The following LSM3 variants were observed in gnomAD, a reference collection of about 807,000 sequenced individuals.
The protein encoded by LSM3 is LSM3 homolog, U6 small nuclear RNA and mRNA degradation associated.
In LSM3, 14 loss-of-function variants were observed where a neutral mutation model predicts 15.4. The observed-to-expected ratio is 0.91, with a 90% confidence interval of 0.60 to 1.42. The LOEUF (loss-of-function observed/expected upper bound fraction) is 1.42. Among genes scored for constraint, LSM3 ranks in the 40% most tolerant of loss-of-function variants. The pLI is 0.00. For missense variants in LSM3, 88 were observed against 127.9 expected, an observed-to-expected ratio of 0.69 and a Z score of 1.50; for synonymous variants, 46 against 45.1, an observed-to-expected ratio of 1.02 and a Z score of -0.08.
intron 3 of LSM3, among the ~76,000 whole-genome samples, chr3:14,193,696 C>G (rs896863405): frequency 3.3e-5 from 5 of 152,048 alleles, no homozygotes; most frequent in African/African-American, 1.2e-4. Context: ...TTTCAAGGTT[C>G]TTAGCTTCCT....
chr3:14,183,882 A>T lies in LSM3; in HGVS notation c.133-55A>T. 5 of 1,363,948 alleles carry T rather than the reference A, an allele frequency of 3.7e-6. No individual in the cohort carries two copies. In the South Asian group the frequency reaches 6.8e-5, roughly 19 times the overall value. 84.5% of individuals were successfully genotyped at this position (1,363,948 alleles called of 1,614,324 possible). ...GCAATTTGCATATTGTTAAGCCTTT[A>T]TCATTTTTGTAATTTGATTATTAAA... is the stretch of plus-strand genomic sequence containing the variant. On this transcript the variant is annotated intron_variant, in intron 2 of 3. Coordinates refer to ENST00000306024, the MANE Select transcript of LSM3 (RefSeq NM_014463.3).
chr3:14,197,865 C>G (rs745759905), intron 3 of LSM3, among the ~76,000 whole-genome samples, 171 bp from the exon 4 acceptor site: 13 of 152,104 alleles, frequency 8.5e-5, no homozygotes, highest in Non-Finnish European at 2.9e-5. Flanking sequence ...CCACAATTGT[C>G]GAAAGGAAGC....
rs1437765077 is a variant in LSM3, at chr3:14,199,726, A to G, written c.*1610A>G. On this transcript the variant is annotated 3_prime_UTR_variant, in exon 4 of 4. Transcript: ENST00000306024. The stretch of plus-strand genomic sequence containing the variant: ...ATAACCTGTTTACAGCAGCCCATTC[A>G]GTATTGAAAAATGAACTCCCTCCTG... 6.6e-6 allele frequency: 1 copy of G among 152,254 alleles called. No homozygotes were observed. Among genetic ancestry groups the G allele is most frequent in the African/African-American group, 2.4e-5 (1 of 41,454 alleles). 9.4% of individuals were successfully genotyped at this position (152,254 alleles called of 1,614,324 possible).
chr3:14,197,906 G>A (rs1327793763), intron 3 of LSM3, 130 bp from the exon 4 acceptor site: 5 of 699,108 alleles, frequency 7.2e-6, no homozygotes, highest in Non-Finnish European at 1.2e-5. Flanking sequence ...GTGCTACCAA[G>A]GGAAGTGATC....
rs1290576311 is a variant in LSM3 at position 14,198,088 on chromosome 3, T to C, written c.281T>C (p.Leu94Pro). ...TTTGTCCGGGGAGATGGCGTTGTCC[T>C]GGTTGCCCCTCCACTGAGAGTTGGC... ...MLFVRGDGVV[L>P]VAPPLRVG is the part of the protein sequence containing the mutation. Residue 94 changes from leucine to proline, a missense_variant, in exon 4 of 4, where the codon CTG (leucine) becomes CCG (proline). Transcript: ENST00000306024. The C allele has an allele frequency of 6.2e-7, 1 of 1,613,622 alleles. No individual in the cohort carries two copies. Among genetic ancestry groups the C allele is most frequent in the Non-Finnish European group, 8.5e-7 (1 of 1,179,862 alleles).
chr3:14,191,336 T>C (rs1697137806), intron 3 of LSM3, among the ~76,000 whole-genome samples: 1 of 152,230 alleles, frequency 6.6e-6, no homozygotes, highest in African/African-American at 2.4e-5. Context: ...TTCTATTGTT[T>C]GGAATAGTTT....
chr3:14,184,866 A>G (rs1273007939), intron 3 of LSM3, among the ~76,000 whole-genome samples: 2 of 148,234 alleles, frequency 1.3e-5, no homozygotes, highest in African/African-American at 2.5e-5. Context: ...GACCAGCCTG[A>G]CCAATATGGT....
chr3:14,198,089 G>T lies in LSM3; in HGVS notation c.282G>T (p.Leu94=). The T allele has an allele frequency of 1.9e-6, 3 of 1,613,532 alleles. No individual in the cohort carries two copies. The highest frequency in any genetic ancestry group is 1.1e-5 in the South Asian group (1 of 91,058). Reference sequence around the variant, plus strand: ...TTGTCCGGGGAGATGGCGTTGTCCTGGTTGCCCCTCCACTGAGAGTTGGCT... The same window carrying T: ...TTGTCCGGGGAGATGGCGTTGTCCTTGTTGCCCCTCCACTGAGAGTTGGCT... ...MLFVRGDGVV[L]VAPPLRVG is the part of the protein sequence containing the mutation. The change falls in exon 4 of 4, where the codon CTG becomes CTT. Residue 94 remains leucine, a synonymous_variant. Coordinates refer to ENST00000306024, the MANE Select transcript of LSM3 (RefSeq NM_014463.3).
chr3:14,193,160 G>A (rs1408206783), intron 3 of LSM3, among the ~76,000 whole-genome samples: 1 of 152,140 alleles, frequency 6.6e-6, no homozygotes, highest in Non-Finnish European at 1.5e-5. Context: ...TTACTCTGAT[G>A]GGCTTCCCTT....
In LSM3 at chr3:14,183,960, G is replaced by T; in HGVS notation, c.156G>T (p.Met52Ile). The T allele has an allele frequency of 6.2e-7, 1 of 1,608,454 alleles. No homozygotes were observed. The highest frequency in any genetic ancestry group is 1.1e-5 in the South Asian group (1 of 90,208). The change falls in exon 3 of 4, where the codon ATG becomes ATT. Residue 52 changes from methionine (M) to isoleucine (I), a missense_variant. Coordinates refer to ENST00000306024, the MANE Select transcript of LSM3 (RefSeq NM_014463.3). The stretch of plus-strand genomic sequence containing the variant: ...AGGCTTATGATCAACATTTAAATAT[G>T]ATCTTGGGAGATGTGGAAGAAACTG... ...RLHAYDQHLN[M>I]ILGDVEETVT...
intron 2 of LSM3, among the ~76,000 whole-genome samples, 179 bp from the exon 3 acceptor site, chr3:14,183,758 G>A (rs1233128464): frequency 1.3e-5 from 2 of 152,208 alleles, no homozygotes; most frequent in African/African-American, 2.4e-5. Context: ...ATCATTGGAA[G>A]TGACTTGTGA....
intron 1 of LSM3, among the ~76,000 whole-genome samples, chr3:14,180,282 T>G (rs1463193373): frequency 6.6e-6 from 1 of 152,138 alleles, no homozygotes; most frequent in Non-Finnish European, 1.5e-5. Flanking sequence ...TCTTTTCCTT[T>G]TTTTTTCTAT....
chr3:14,183,742 T>G (rs1004097351), intron 2 of LSM3, among the ~76,000 whole-genome samples, 195 bp from the exon 3 acceptor site: 10 of 152,240 alleles, frequency 6.6e-5, no homozygotes, highest in African/African-American at 2.2e-4. Context: ...TCAGGTCAAT[T>G]AAGTAATCAT....
At chr3:14,194,712 G>A (rs1263145135) in intron 3 of LSM3, among the ~76,000 whole-genome samples, 1 of 149,678 alleles carries the variant, frequency 6.7e-6, no homozygotes, top group Non-Finnish European at 1.5e-5. Context: ...AAAATTCTGG[G>A]TGAAATTCAT....
At chr3:14,180,323 C>CT in intron 1 of LSM3, among the ~76,000 whole-genome samples, 1 of 151,934 alleles carries the variant, frequency 6.6e-6, no homozygotes, top group South Asian at 2.1e-4. Flanking sequence ...GAGTCTCACT[C>CT]TATCGCCCAG....
chr3:14,183,114 C>G (rs1482953150), intron 2 of LSM3, among the ~76,000 whole-genome samples: 1 of 152,192 alleles, frequency 6.6e-6, no homozygotes, highest in African/African-American at 2.4e-5. Context: ...GGTCTCTATC[C>G]TAAATGGCCC....
chr3:14,194,463 T>C (rs766261610), intron 3 of LSM3, among the ~76,000 whole-genome samples: 2 of 152,220 alleles, frequency 1.3e-5, no homozygotes, highest in Non-Finnish European at 2.9e-5. Flanking sequence ...ATACTTTCTC[T>C]CTTTTTATTT....
chr3:14,192,478 A>C (rs952373691), intron 3 of LSM3, among the ~76,000 whole-genome samples: 1 of 152,168 alleles, frequency 6.6e-6, no homozygotes, highest in Non-Finnish European at 1.5e-5. Context: ...TATTGGGTGC[A>C]TATATATTTA....
chr3:14,183,951 T>C lies in LSM3; in HGVS notation c.147T>C (p.His49=). The change falls in exon 3 of 4, where the codon CAT becomes CAC. Residue 49 remains histidine, a synonymous_variant. Coordinates refer to ENST00000306024, the MANE Select transcript of LSM3 (RefSeq NM_014463.3). ...LRGRLHAYDQ[H]LNMILGDVEE... ...TCCCACTTTAGGCTTATGATCAACA[T>C]TTAAATATGATCTTGGGAGATGTGG... 6.2e-7 allele frequency: 1 copy of C among 1,606,948 alleles called. No homozygotes were observed. Among genetic ancestry groups the C allele is most frequent in the Non-Finnish European group, 8.5e-7 (1 of 1,178,016 alleles).
Sources: gnomAD v4.1 joint callset for allele counts (sites outside exome capture counted in the v4.1 genomes callset) on GRCh38, gnomAD v4.1.1 for gene constraint, MANE v1.5 for transcripts, NCBI Gene and HGNC (gene_info 2026-07-23, HGNC 2026-07-21) for gene names.